FRAS1: variants seen among roughly 807,000 people sequenced by gnomAD.
FRAS1 encodes extracellular matrix organizing protein FRAS1.
In FRAS1, 290 loss-of-function variants were observed where a neutral mutation model predicts 435.2. That is an observed-to-expected ratio of 0.67 (90% confidence interval 0.61 to 0.73). The LOEUF (loss-of-function observed/expected upper bound fraction) is 0.73. FRAS1 is among the 30% of genes least tolerant of loss of function. The pLI, the probability that FRAS1 is intolerant of heterozygous loss-of-function variation, is 0.00. For missense variants in FRAS1, 4,860 were observed against 5,001.5 expected, an observed-to-expected ratio of 0.97 and a Z score of 0.85; for synonymous variants, 1,800 against 1,851.0, an observed-to-expected ratio of 0.97 and a Z score of 0.71.
intron 2 of FRAS1, among the ~76,000 whole-genome samples, chr4:78,165,329 C>T (rs1265123302): frequency 5.9e-5 from 9 of 152,192 alleles, no homozygotes; most frequent in Non-Finnish European, 1.0e-4. Flanking sequence ...TGGTATTCTT[C>T]AGCGTCCCAT....
intron 2 of FRAS1, among the ~76,000 whole-genome samples, chr4:78,137,766 G>A (rs1295683185): frequency 6.6e-6 from 1 of 152,168 alleles, no homozygotes; most frequent in Non-Finnish European, 1.5e-5. Flanking sequence ...TTGGAGTTAG[G>A]ATGCACTGGG....
Position 78,479,541 on chromosome 4 carries a change from A to G in FRAS1, c.8266A>G (p.Met2756Val). Residue 2756 changes from methionine to valine, a missense_variant, in exon 56 of 74, where the codon ATG becomes GTG. Coordinates refer to ENST00000512123, the MANE Select transcript of FRAS1 (RefSeq NM_025074.7). ...PGVTMSTCDV[M>V]LIDDSEYEEE... is the part of the protein sequence containing the mutation. Reference sequence around the variant, plus strand: ...TGTGACCATGTCCACCTGTGATGTCATGCTTATTGATGACAGCGAGTATGA... The same window carrying G: ...TGTGACCATGTCCACCTGTGATGTCGTGCTTATTGATGACAGCGAGTATGA... 1 of 1,613,978 alleles carries G rather than the reference A, an allele frequency of 6.2e-7. No individual in the cohort carries two copies. The highest frequency in any genetic ancestry group is 8.5e-7 in the Non-Finnish European group (1 of 1,179,840).
chr4:78,088,649 A>G (rs1415961075), intron 2 of FRAS1, among the ~76,000 whole-genome samples: 1 of 152,236 alleles, frequency 6.6e-6, no homozygotes, highest in Non-Finnish European at 1.5e-5. Context: ...AAAAGAAGAC[A>G]TTTATGCAGC....
chr4:78,289,447 A>G (rs1727777871), intron 14 of FRAS1, among the ~76,000 whole-genome samples: 1 of 152,140 alleles, frequency 6.6e-6, no homozygotes, highest in Non-Finnish European at 1.5e-5. Flanking sequence ...TGCTTTGACC[A>G]CTGTACATTA....
At chr4:78,454,731 C>T (rs1039355691) in intron 47 of FRAS1, among the ~76,000 whole-genome samples, 1 of 152,168 alleles carries the variant, frequency 6.6e-6, no homozygotes, top group African/African-American at 2.4e-5. Flanking sequence ...CCATTGCCTC[C>T]CTGCTGGTCA....
At chr4:78,287,936 G>A (rs1417609003) in intron 14 of FRAS1, among the ~76,000 whole-genome samples, 2 of 152,158 alleles carry the variant, frequency 1.3e-5, no homozygotes, top group Non-Finnish European at 2.9e-5. Flanking sequence ...TGGCTTGGAG[G>A]CTCTTTGGTG....
intron 1 of FRAS1, among the ~76,000 whole-genome samples, chr4:78,065,551 A>G (rs1432514733): frequency 6.6e-6 from 1 of 152,160 alleles, no homozygotes; most frequent in Non-Finnish European, 1.5e-5. Context: ...GAAAATGAGC[A>G]AAGGCATTGA....
intron 28 of FRAS1, among the ~76,000 whole-genome samples, chr4:78,384,771 G>A (rs1169236310): frequency 2.6e-5 from 4 of 151,814 alleles, no homozygotes; most frequent in Non-Finnish European, 5.9e-5. Context: ...TCTGGGCCCA[G>A]TGATGCATTC....
chr4:78,088,656 C>G (rs184502989), intron 2 of FRAS1, among the ~76,000 whole-genome samples: 9 of 152,198 alleles, frequency 5.9e-5, no homozygotes, highest in African/African-American at 1.9e-4. Context: ...GACATTTATG[C>G]AGCCAAAAAA....
chr4:78,123,004 G>T (rs187824057), intron 2 of FRAS1, among the ~76,000 whole-genome samples: 1,628 of 152,176 alleles, frequency 0.011, 14 homozygotes, highest in South Asian at 0.021. Context: ...GTCAATTTTG[G>T]CTTTTGTTGC....
chr4:78,531,375 C>T (rs978951876), intron 70 of FRAS1, among the ~76,000 whole-genome samples: 9 of 152,038 alleles, frequency 5.9e-5, no homozygotes, highest in Non-Finnish European at 1.0e-4. Flanking sequence ...TCCAATACTA[C>T]GTTGAATAGG....
intron 2 of FRAS1, among the ~76,000 whole-genome samples, chr4:78,222,677 G>A (rs902920782): frequency 1.6e-4 from 24 of 152,202 alleles, no homozygotes; most frequent in African/African-American, 5.5e-4. Flanking sequence ...CATCCCACCT[G>A]TGGGTTGTCT....
intron 2 of FRAS1, among the ~76,000 whole-genome samples, chr4:78,087,088 G>T (rs1416233920): frequency 6.6e-6 from 1 of 152,152 alleles, no homozygotes; most frequent in East Asian, 1.9e-4. Flanking sequence ...GATCAAGTGG[G>T]CTTCATCCCT....
intron 15 of FRAS1, among the ~76,000 whole-genome samples, chr4:78,309,661 A>AT (rs66913216): frequency 0.31 from 47,490 of 151,012 alleles, 7,695 homozygotes; most frequent in East Asian, 0.38. Context: ...ACCTCTGCCT[A>AT]TTTTTTTTTA....
intron 14 of FRAS1, among the ~76,000 whole-genome samples, chr4:78,286,918 A>G (rs776433303): frequency 6.6e-6 from 1 of 152,208 alleles, no homozygotes; most frequent in Non-Finnish European, 1.5e-5. Flanking sequence ...TAGAGATTAT[A>G]AGTTTAAAAA....
At chr4:78,497,827 G>C (rs1389872893) in intron 60 of FRAS1, among the ~76,000 whole-genome samples, 5 of 152,088 alleles carry the variant, frequency 3.3e-5, no homozygotes, top group Non-Finnish European at 7.4e-5. Context: ...AACTAACTTG[G>C]ACATTGGATA....
Position 78,479,510 on chromosome 4 carries a change from G to A in FRAS1, c.8235G>A (p.Gly2745=), listed in dbSNP as rs1194341277. The change falls in exon 56 of 74, where the codon GGG becomes GGA. Residue 2745 remains glycine (G), a synonymous_variant. Coordinates refer to ENST00000512123, the MANE Select transcript of FRAS1 (RefSeq NM_025074.7). The part of the protein sequence containing the change: ...GMSAASRVIF[G]PGVTMSTCDV... Reference sequence around the variant, plus strand: ...CTGCCGCGAGTCGTGTGATATTCGGGCCTGGTGTGACCATGTCCACCTGTG... The same window carrying A: ...CTGCCGCGAGTCGTGTGATATTCGGACCTGGTGTGACCATGTCCACCTGTG... 3 of 1,613,820 alleles carry A rather than the reference G, an allele frequency of 1.9e-6. No homozygotes were observed. The highest frequency in any genetic ancestry group is 1.7e-6 in the Non-Finnish European group (2 of 1,179,744).
chr4:78,380,928 T>C (rs1253425214), intron 27 of FRAS1, among the ~76,000 whole-genome samples: 1 of 152,212 alleles, frequency 6.6e-6, no homozygotes, highest in Non-Finnish European at 1.5e-5. Context: ...TAAGAACAAC[T>C]AGCATTTATG....
intron 18 of FRAS1, 26 bp downstream of exon 18, chr4:78,319,012 G>T (rs766689456): frequency 6.2e-7 from 1 of 1,610,424 alleles, no homozygotes; most frequent in Non-Finnish European, 8.5e-7. Flanking sequence ...GAAAGTGTTA[G>T]GTAGCCTCTG....
Sources: allele counts gnomAD v4.1 joint callset (sites outside exome capture counted in the v4.1 genomes callset), GRCh38; gene constraint gnomAD v4.1.1; transcripts MANE v1.5; gene names NCBI Gene and HGNC (gene_info 2026-07-23, HGNC 2026-07-21).